DROSHA: variants seen among roughly 807,000 people sequenced by gnomAD.
The protein encoded by DROSHA is ribonuclease 3.
Under a neutral mutation model 181.9 loss-of-function variants are expected in DROSHA, and 56 were observed. The observed-to-expected ratio is 0.31, with a 90% CI of 0.25 to 0.38. The LOEUF is 0.38. Ranked by LOEUF, DROSHA falls within the 10% of genes least tolerant of loss-of-function variation. The probability of loss-of-function intolerance (pLI) is 1.00; values close to 1 mark genes in which losing one functional copy is unlikely to be tolerated. For missense variants in DROSHA, 1,218 were observed against 1,743.5 expected, an observed-to-expected ratio of 0.70 and a Z score of 5.37; for synonymous variants, 524 against 591.2, an observed-to-expected ratio of 0.89 and a Z score of 1.65.
At chr5:31,451,287 G>A (rs1403282188) in intron 21 of DROSHA, among the ~76,000 whole-genome samples, 3 of 152,170 alleles carry the variant, frequency 2.0e-5, no homozygotes, top group Admixed American at 6.5e-5. Flanking sequence ...AGGAAAAGTC[G>A]GAATAAGGTA....
chr5:31,414,137 G>C (rs528233705), intron 30 of DROSHA, among the ~76,000 whole-genome samples: 29 of 152,304 alleles, frequency 1.9e-4, no homozygotes, highest in Admixed American at 7.2e-4. Flanking sequence ...GGCAGGTGAT[G>C]TGAAGAAGAC....
At chr5:31,506,303 C>T (rs1737938965) in intron 10 of DROSHA, among the ~76,000 whole-genome samples, 1 of 150,336 alleles carries the variant, frequency 6.7e-6, no homozygotes, top group South Asian at 2.1e-4. Context: ...GCAGAGCTTG[C>T]AGCGAGCTGA....
intron 9 of DROSHA, among the ~76,000 whole-genome samples, chr5:31,510,073 A>T (rs1738497715): frequency 7.8e-6 from 1 of 128,864 alleles, no homozygotes; most frequent in South Asian, 2.7e-4. Context: ...AAACAGACCT[A>T]GAAGTTAGAT....
chr5:31,518,626 G>A (rs115817026), intron 6 of DROSHA, among the ~76,000 whole-genome samples: 1 of 152,114 alleles, frequency 6.6e-6, no homozygotes, highest in Non-Finnish European at 1.5e-5. Flanking sequence ...TTACTCTGAG[G>A]CTGGCACCCT....
chr5:31,432,333 T>C (rs623664), intron 25 of DROSHA, among the ~76,000 whole-genome samples: 1 of 152,082 alleles, frequency 6.6e-6, no homozygotes, highest in African/African-American at 2.4e-5. Flanking sequence ...GGTTTCACCA[T>C]GTTGGCCAGG....
intron 9 of DROSHA, among the ~76,000 whole-genome samples, 183 bp from the exon 10 acceptor site, chr5:31,508,958 GAT>G (rs1738342143): frequency 6.6e-6 from 1 of 151,996 alleles, no homozygotes; most frequent in Admixed American, 6.6e-5. Flanking sequence ...GAGTAGCTGG[GAT>G]TACAGGCGCC....
chr5:31,428,242 G>A (rs986382820), intron 27 of DROSHA, among the ~76,000 whole-genome samples: 1 of 150,856 alleles, frequency 6.6e-6, no homozygotes, highest in African/African-American at 2.4e-5. Context: ...CAGTGGATTG[G>A]GGGATGCAGG....
intron 5 of DROSHA, among the ~76,000 whole-genome samples, chr5:31,525,433 G>C (rs1740414068): frequency 6.7e-6 from 1 of 149,020 alleles, no homozygotes. Flanking sequence ...GAACCCAGGA[G>C]GTGGAGGTTG....
At chr5:31,451,691 C>A in intron 20 of DROSHA, 51 bp from the exon 21 acceptor site, 2 of 1,401,750 alleles carry the variant, frequency 1.4e-6, no homozygotes, top group South Asian at 2.5e-5. Flanking sequence ...CTTATAAAGT[C>A]ACTTCATTTA....
chr5:31,526,683 G>T lies in DROSHA; in HGVS notation c.250C>A (p.Pro84Thr). The T allele has an allele frequency of 2.6e-6, 4 of 1,520,870 alleles. No individual in the cohort carries two copies. Among genetic ancestry groups the T allele is most frequent in the Non-Finnish European group, 3.5e-6 (4 of 1,136,432 alleles). 94.2% of individuals were successfully genotyped at this position (1,520,870 alleles called of 1,614,324 possible). A position where few individuals can be genotyped will look rare whatever the true frequency, so the allele number is the denominator to read the frequency against. The change falls in exon 5 of 36, where the codon CCC becomes ACC. Residue 84 changes from proline to threonine, a missense_variant. Physicochemically the swap from Pro to Thr is conservative, Grantham distance 38. Coordinates refer to ENST00000344624, the MANE Select transcript of DROSHA (RefSeq NM_001382508.1). ...GGGCCTTGCGCTGACGGAGGCATGGGTGGGGGGAAGGGTACAAAGTCTGGT... is the reference window on the plus strand; with the variant it reads ...GGGCCTTGCGCTGACGGAGGCATGGTTGGGGGGAAGGGTACAAAGTCTGGT... ...PRPDFVPFPPPMPPSAQGPLP... is the reference protein window; with the variant it reads ...PRPDFVPFPPTMPPSAQGPLP...
At chr5:31,413,222 C>A (rs930468186) in intron 30 of DROSHA, among the ~76,000 whole-genome samples, 3 of 152,166 alleles carry the variant, frequency 2.0e-5, no homozygotes, top group Non-Finnish European at 4.4e-5. Flanking sequence ...CAAGCCCTGA[C>A]AGGTCTTAAA....
intron 17 of DROSHA, among the ~76,000 whole-genome samples, chr5:31,471,178 T>C (rs1470879757): frequency 6.6e-6 from 1 of 152,246 alleles, no homozygotes; most frequent in Non-Finnish European, 1.5e-5. Flanking sequence ...TGTGCAGATG[T>C]TACTGTCATG....
rs555549670 is a variant in DROSHA, at chr5:31,445,998, T to C, written c.2882+2549A>G. ...TAAAACTACTGCTATTTGTAGATGA[T>C]ATTATTTCAAAAATAACAAAATCCT... is the stretch of plus-strand genomic sequence containing the variant. On this transcript the variant is annotated intron_variant, in intron 23 of 35. Coordinates refer to ENST00000344624, the MANE Select transcript of DROSHA (RefSeq NM_001382508.1). Among the ~76,000 whole-genome samples the C allele has an allele frequency of 3.9e-5, 6 of 152,334 alleles. No homozygotes were observed. In the East Asian group the frequency reaches 7.7e-4, roughly 20 times the overall value.
chr5:31,517,375 T>C (rs1739379836), intron 6 of DROSHA, among the ~76,000 whole-genome samples: 1 of 152,182 alleles, frequency 6.6e-6, no homozygotes, highest in South Asian at 2.1e-4. Context: ...TTGGAAGCCA[T>C]TTCCTATCCC....
intron 23 of DROSHA, among the ~76,000 whole-genome samples, chr5:31,442,980 C>T (rs1217634258): frequency 6.6e-6 from 1 of 151,714 alleles, no homozygotes; most frequent in Non-Finnish European, 1.5e-5. Context: ...CTTGCAACTG[C>T]CATTTCCTTA....
chr5:31,518,298 T>C (rs1157194355), intron 6 of DROSHA, among the ~76,000 whole-genome samples: 1 of 152,224 alleles, frequency 6.6e-6, no homozygotes, highest in Non-Finnish European at 1.5e-5. Context: ...TGAAATGCCA[T>C]GTGGTACGTG....
At chr5:31,502,279 C>G (rs184805067) in intron 11 of DROSHA, among the ~76,000 whole-genome samples, 84 of 152,290 alleles carry the variant, frequency 5.5e-4, no homozygotes, top group Admixed American at 1.2e-3. Flanking sequence ...CCATATGTTT[C>G]GGCAGATCCT....
At chr5:31,479,127 T>A (rs965432448) in intron 16 of DROSHA, among the ~76,000 whole-genome samples, 4 of 152,000 alleles carry the variant, frequency 2.6e-5, no homozygotes, top group Non-Finnish European at 5.9e-5. Context: ...GCCTGAAGTA[T>A]CTGAGTTTAA....
intron 19 of DROSHA, 99 bp downstream of exon 19, chr5:31,466,083 T>A: frequency 1.7e-6 from 2 of 1,209,946 alleles, no homozygotes; most frequent in Non-Finnish European, 2.3e-6. Flanking sequence ...AAAAAATATT[T>A]TTCCATCTTG....
Sources: gnomAD v4.1 joint callset for allele counts (sites outside exome capture counted in the v4.1 genomes callset) on GRCh38, gnomAD v4.1.1 for gene constraint, MANE v1.5 for transcripts, NCBI Gene and HGNC (gene_info 2026-07-23, HGNC 2026-07-21) for gene names.